Variants in DET1 observed in about 807,000 individuals in gnomAD.
DET1 encodes the protein DET1 homolog.
In DET1, 22 loss-of-function variants were observed where a neutral mutation model predicts 43.7. The observed-to-expected ratio is 0.50, with a 90% CI of 0.36 to 0.72. DET1 has a LOEUF of 0.72. Among genes scored for constraint, DET1 ranks in the 30% least tolerant of loss-of-function variants. The pLI is 0.00. For synonymous variants in DET1, 315 were observed against 266.2 expected, an observed-to-expected ratio of 1.18 and a Z score of -1.79; for missense variants, 713 against 713.3, an observed-to-expected ratio of 1.00 and a Z score of 0.00.
At chr15:88,518,362 G>A (rs923869311) in intron 3 of DET1, among the ~76,000 whole-genome samples, 5 of 151,964 alleles carry the variant, frequency 3.3e-5, no homozygotes, top group African/African-American at 4.8e-5. Flanking sequence ...GTTTATAGAG[G>A]AAGAAAAAAT....
At chr15:88,505,133 T>G (rs2056126601) in intron 7 of DET1, 1 of 152,246 alleles carries the variant, frequency 6.6e-6, no homozygotes, top group Non-Finnish European at 1.5e-5. Context: ...AATCAGCTCC[T>G]GTTCAAAGTC....
chr15:88,539,167 G>A (rs1014640776), intron 1 of DET1, among the ~76,000 whole-genome samples: 2 of 151,680 alleles, frequency 1.3e-5, no homozygotes, highest in Non-Finnish European at 2.9e-5. Context: ...AAAAAAAACT[G>A]TTATAAACTC....
chr15:88,544,126 G>T (rs193147186), intron 1 of DET1, among the ~76,000 whole-genome samples: 181 of 152,334 alleles, frequency 1.2e-3, no homozygotes, highest in African/African-American at 4.2e-3. Context: ...CTGCCGCAGG[G>T]TGATAATACA....
At chr15:88,525,083 C>A (rs2142291323) in intron 3 of DET1, among the ~76,000 whole-genome samples, 1 of 152,202 alleles carries the variant, frequency 6.6e-6, no homozygotes, top group South Asian at 2.1e-4. Flanking sequence ...ATTTGAGAAT[C>A]AGAAGAAACA....
At chr15:88,540,170 A>C (rs745575036) in intron 1 of DET1, among the ~76,000 whole-genome samples, 8 of 151,956 alleles carry the variant, frequency 5.3e-5, no homozygotes, top group Non-Finnish European at 1.0e-4. Context: ...AGCTAAATTT[A>C]AGCTATTTGC....
At chr15:88,510,331 TGAATGAGCA>T (rs2056184137), downstream of DET1, among the ~76,000 whole-genome samples, 1 of 152,294 alleles carries the variant, frequency 6.6e-6, no homozygotes, top group South Asian at 2.1e-4. Flanking sequence ...GGATCACACA[TGAATGAGCA>T]GAAGGGCCCA....
Position 88,516,462 on chromosome 15 carries a change from T to C in DET1, c.1463+320A>G, listed in dbSNP as rs1231926328. On this transcript the variant is annotated intron_variant, in intron 4 of 4. Coordinates refer to ENST00000268148, the MANE Select transcript of DET1 (RefSeq NM_001144074.3). The surrounding 1 kb of genome is among the most constrained non-coding windows in gnomAD (Gnocchi z 4.4). Reference sequence around the variant, plus strand: ...TTGTGTTAGATACATAATTATAAAGTCTCAATGTCAAAAACTATTATGGAA... The same window carrying C: ...TTGTGTTAGATACATAATTATAAAGCCTCAATGTCAAAAACTATTATGGAA... 6.6e-6 allele frequency among the ~76,000 whole-genome samples: 1 copy of C among 152,158 alleles called. No individual in the cohort carries two copies. Among genetic ancestry groups the C allele is most frequent in the Non-Finnish European group, 1.5e-5 (1 of 68,034 alleles).
At position 88,531,189 on chromosome 15, in the gene DET1, C is replaced by T. The variant is rs1170614127; in HGVS notation, c.517G>A (p.Val173Ile). ...PDEPHPPFFE[V>I]YRNSESVTPN... ...GTCACTGATTCACTGTTCCGATATACCTCAAAAAATGGAGGGTGAGGCTCA... is the reference window on the plus strand; with the variant it reads ...GTCACTGATTCACTGTTCCGATATATCTCAAAAAATGGAGGGTGAGGCTCA... Residue 173 changes from valine to isoleucine, a missense_variant, in exon 2 of 5, where the codon GTA becomes ATA. Transcript: ENST00000268148. The surrounding 1 kb of genome is among the most constrained non-coding windows in gnomAD (Gnocchi z 6.2). 4 of 1,613,746 alleles carry T rather than the reference C, an allele frequency of 2.5e-6. No homozygotes were observed. The highest frequency in any genetic ancestry group is 3.4e-6 in the Non-Finnish European group (4 of 1,179,800).
intron 1 of DET1, among the ~76,000 whole-genome samples, chr15:88,541,368 G>C (rs542155779): frequency 6.6e-6 from 1 of 151,482 alleles, no homozygotes; most frequent in East Asian, 2.0e-4. Flanking sequence ...GAACTCAGAG[G>C]CTGGCGGGAT....
intron 4 of DET1, among the ~76,000 whole-genome samples, chr15:88,515,658 G>A (rs2056326776): frequency 6.6e-6 from 1 of 151,200 alleles, no homozygotes; most frequent in African/African-American, 2.4e-5. Context: ...AGACAACAGG[G>A]ATACATAAAA....
rs117012588 is a variant in DET1 at position 88,502,307 on chromosome 15, C to T, written c.*2178+1568G>A. 2.6e-4 allele frequency: 39 copies of T among 152,276 alleles called. 1 individual carries two copies. The East Asian group carries it at 6.4e-3, about 25-fold the overall frequency. The allele number at this position is 152,276 out of a possible 1,614,324, so 9.4% of individuals were successfully genotyped here. A position where few individuals can be genotyped will look rare whatever the true frequency, so the allele number is the denominator to read the frequency against. On this transcript the variant is annotated intron_variant and NMD_transcript_variant, in intron 8 of 8. Coordinates refer to the DET1 transcript ENST00000557842. ...ATTCCGGTTCAGAATATTCCCATTC[C>T]CCAACTTCTCCTTTCTTTCAGTAGA...
chr15:88,541,262 G>A (rs1216717538), intron 1 of DET1, among the ~76,000 whole-genome samples: 1 of 151,310 alleles, frequency 6.6e-6, no homozygotes, highest in Non-Finnish European at 1.5e-5. Flanking sequence ...CTTTGTTCAC[G>A]TGTTTGTCTG....
intron 4 of DET1, among the ~76,000 whole-genome samples, chr15:88,515,538 T>TAAAAAAAAAA (rs1491544233): frequency 0.026 from 1,211 of 47,478 alleles, 586 homozygotes; most frequent in Non-Finnish European, 0.033. Flanking sequence ...GACTCCGTCT[T>TAAAAAAAAAA]ATAAAAAAAA....
At chr15:88,530,249 G>A (rs2056775099) in intron 2 of DET1, among the ~76,000 whole-genome samples, 1 of 152,174 alleles carries the variant, frequency 6.6e-6, no homozygotes, top group African/African-American at 2.4e-5. Context: ...CATTCTCATT[G>A]CCAGAACTAA....
chr15:88,534,691 A>G (rs1477314369), intron 1 of DET1, among the ~76,000 whole-genome samples: 1 of 152,224 alleles, frequency 6.6e-6, no homozygotes, highest in African/African-American at 2.4e-5. Flanking sequence ...CTGGCCACTG[A>G]ATGTCACATA....
intron 3 of DET1, among the ~76,000 whole-genome samples, chr15:88,527,289 T>C (rs2056688702): frequency 6.6e-6 from 1 of 152,234 alleles, no homozygotes; most frequent in East Asian, 1.9e-4. Context: ...GTTTCTAAAA[T>C]GATTTTCTTA....
intron 1 of DET1, among the ~76,000 whole-genome samples, chr15:88,538,990 C>G (rs2057023833): frequency 6.6e-6 from 1 of 152,074 alleles, no homozygotes; most frequent in Admixed American, 6.5e-5. Flanking sequence ...GTAGGCGCCT[C>G]TGTGTCTTGG....
chr15:88,527,196 T>C (rs1358402765), intron 3 of DET1, among the ~76,000 whole-genome samples: 3 of 152,368 alleles, frequency 2.0e-5, no homozygotes, highest in Non-Finnish European at 2.9e-5. Flanking sequence ...TTATACCTCT[T>C]ATTCCTTTAT....
chr15:88,544,151 G>T (rs957317383), intron 1 of DET1, among the ~76,000 whole-genome samples: 2 of 152,118 alleles, frequency 1.3e-5, no homozygotes, highest in Non-Finnish European at 2.9e-5. Flanking sequence ...CCTTCACCTC[G>T]TCCATAGCTC....
Sources: gnomAD v4.1 joint callset for allele counts (sites outside exome capture counted in the v4.1 genomes callset) on GRCh38, gnomAD v4.1.1 for gene constraint, Gnocchi (gnomAD v3.1) non-coding constraint, MANE v1.5 for transcripts, NCBI Gene and HGNC (gene_info 2026-07-23, HGNC 2026-07-21) for gene names.